The following RAD50 variants were observed in gnomAD, a reference collection of about 807,000 sequenced individuals.
RAD50 encodes the protein DNA repair protein RAD50.
In RAD50, 132 loss-of-function variants were observed where a neutral mutation model predicts 168.8. The ratio of observed to expected loss-of-function variants is 0.78; its 90% CI spans 0.68 to 0.90. The LOEUF (loss-of-function observed/expected upper bound fraction) is 0.90. RAD50 is among the 40% of genes least tolerant of loss of function. The pLI, the probability that RAD50 is intolerant of heterozygous loss-of-function variation, is 0.00. For synonymous variants in RAD50, 525 were observed against 497.4 expected (o/e 1.06, Z -0.74); for missense variants, 1,347 against 1,534.4 (o/e 0.88, Z 2.04).
intron 10 of RAD50, 57 bp downstream of exon 10, chr5:132,591,463 T>G: frequency 6.6e-7 from 1 of 1,512,588 alleles, no homozygotes; most frequent in Non-Finnish European, 9.1e-7. Context: ...TAGCCTACCT[T>G]GCACTCATAA....
chr5:132,619,400 TG>T (rs1751234155), intron 21 of RAD50, among the ~76,000 whole-genome samples: 1 of 149,000 alleles, frequency 6.7e-6, no homozygotes, highest in Admixed American at 6.7e-5. Flanking sequence ...TTATTAGTCT[TG>T]TCTTTTTGTG....
chr5:132,592,563 C>G (rs992450013), intron 11 of RAD50, among the ~76,000 whole-genome samples: 3 of 152,194 alleles, frequency 2.0e-5, no homozygotes, highest in Admixed American at 2.0e-4. Context: ...TCTGCTAATG[C>G]TTTGGCTAGC....
intron 23 of RAD50, among the ~76,000 whole-genome samples, chr5:132,639,931 A>T (rs1751680156): frequency 6.6e-6 from 1 of 152,164 alleles, no homozygotes; most frequent in African/African-American, 2.4e-5. Flanking sequence ...CCCACCCACA[A>T]ACTGAGGGGG....
At chr5:132,619,827 T>TCCTC (rs1751247345) in intron 21 of RAD50, among the ~76,000 whole-genome samples, 3 of 134,726 alleles carry the variant, frequency 2.2e-5, no homozygotes, top group African/African-American at 8.7e-5. Context: ...TCTCTCTCTC[T>TCCTC]CTCTCTCTCT....
At position 132,579,971 on chromosome 5, in the gene RAD50, T is replaced by C. The variant is rs587781980; in HGVS notation, c.661T>C (p.Cys221Arg). Residue 221 changes from cysteine (C) to arginine (R), a missense_variant, in exon 5 of 25, where the codon TGT becomes CGT. This residue lies in a region of RAD50 where 703 missense variants were observed against 767.7 expected (regional missense o/e 0.92). Coordinates refer to ENST00000378823, the MANE Select transcript of RAD50 (RefSeq NM_005732.4). ...KYLKQYKEKA[C>R]EIRDQITSKE... ...TCTGAAGCAATATAAGGAAAAAGCT[T>C]GTGAGATTCGTGATCAGATTACAAG... 2.5e-6 allele frequency: 4 copies of C among 1,612,778 alleles called. No homozygotes were observed. The East Asian group carries it at 6.7e-5, about 27-fold the overall frequency.
intron 16 of RAD50, 77 bp downstream of exon 16, chr5:132,605,076 G>C (rs185831341): frequency 8.6e-7 from 1 of 1,167,162 alleles, no homozygotes; most frequent in Non-Finnish European, 1.2e-6. Context: ...AGACAGTCTC[G>C]TTCTGTCACC....
chr5:132,637,022 T>C (rs182421593), intron 21 of RAD50, 93 bp from the exon 22 acceptor site: 9 of 943,470 alleles, frequency 9.5e-6, no homozygotes, highest in Admixed American at 5.0e-5. Flanking sequence ...ATATTTCTAT[T>C]TTTTATATAT....
rs141065016 is a variant in RAD50, at chr5:132,644,956, G to T, written c.*2592G>T. ...AGGCTAATTTTTGTATTTTAGTAGAGACAGGGTTTCGCCTTGTTGGCCAGG... is the reference window on the plus strand; with the variant it reads ...AGGCTAATTTTTGTATTTTAGTAGATACAGGGTTTCGCCTTGTTGGCCAGG... On this transcript the variant is annotated 3_prime_UTR_variant, in exon 25 of 25. Transcript: ENST00000378823. 294 of 152,382 alleles carry T rather than the reference G, an allele frequency of 1.9e-3. 1 individual carries two copies. The highest frequency in any genetic ancestry group is 6.7e-3 in the Middle Eastern group (2 of 298). The allele number at this position is 152,382 out of a possible 1,614,324, so 9.4% of individuals were successfully genotyped here. A position where few individuals can be genotyped will look rare whatever the true frequency, so the allele number is the denominator to read the frequency against.
chr5:132,605,855 T>G (rs1750976547), intron 16 of RAD50, among the ~76,000 whole-genome samples: 1 of 152,158 alleles, frequency 6.6e-6, no homozygotes, highest in Non-Finnish European at 1.5e-5. Context: ...ACAAGGAAAC[T>G]GAACAACCTG....
At chr5:132,605,996 T>G (rs1403153136) in intron 16 of RAD50, among the ~76,000 whole-genome samples, 2 of 152,088 alleles carry the variant, frequency 1.3e-5, no homozygotes, top group Non-Finnish European at 2.9e-5. Flanking sequence ...AGAGGGAAAT[T>G]TATAGCACTA....
At chr5:132,626,486 T>C (rs1751374339) in intron 21 of RAD50, among the ~76,000 whole-genome samples, 1 of 152,198 alleles carries the variant, frequency 6.6e-6, no homozygotes, top group African/African-American at 2.4e-5. Context: ...TAAAAATCTA[T>C]ACTATTATTC....
chr5:132,559,741 G>A (rs1053228986), intron 2 of RAD50, among the ~76,000 whole-genome samples: 1 of 152,100 alleles, frequency 6.6e-6, no homozygotes, highest in Non-Finnish European at 1.5e-5. Context: ...TAGTAGTTAT[G>A]TAATTTTCTT....
At position 132,595,007 on chromosome 5, in the gene RAD50, G is replaced by A. The variant is rs375978877; in HGVS notation, c.1932G>A (p.Arg644=). The A allele has an allele frequency of 5.8e-5, 94 of 1,613,716 alleles. 1 individual carries two copies. In the Middle Eastern group the frequency reaches 3.9e-3, roughly 68 times the overall value. ...GSQDFESDLD[R]LKEEIEKSSK... is the part of the protein sequence containing the mutation. ...AGGATTTTGAAAGTGATTTAGACAGGCTTAAAGAGGAAATTGAAAAATCAT... is the reference window on the plus strand; with the variant it reads ...AGGATTTTGAAAGTGATTTAGACAGACTTAAAGAGGAAATTGAAAAATCAT... Residue 644 remains arginine (R), a synonymous_variant, in exon 12 of 25, where the codon AGG becomes AGA. Coordinates refer to ENST00000378823, the MANE Select transcript of RAD50 (RefSeq NM_005732.4).
At chr5:132,611,089 G>A (rs1175499427) in intron 19 of RAD50, among the ~76,000 whole-genome samples, 1 of 152,146 alleles carries the variant, frequency 6.6e-6, no homozygotes, top group Non-Finnish European at 1.5e-5. Context: ...GAAGATTCTA[G>A]TAGTCAAATA....
rs104895044 is a variant in RAD50 at position 132,579,445 on chromosome 5, C to A, written c.494C>A (p.Pro165His). 5 of 1,613,760 alleles carry A rather than the reference C, an allele frequency of 3.1e-6. No individual in the cohort carries two copies. The highest frequency in any genetic ancestry group is 4.2e-6 in the Non-Finnish European group (5 of 1,179,912). ...TGTCATCAAGAAGATTCTAATTGGC[C>A]TTTAAGTGAAGGAAAGGCTTTGAAG... is the stretch of plus-strand genomic sequence containing the variant. ...IFCHQEDSNW[P>H]LSEGKALKQK... The change falls in exon 4 of 25, where the codon CCT (proline) becomes CAT (histidine). Residue 165 changes from proline to histidine, a missense_variant. Physicochemically the swap from Pro to His is moderately conservative, Grantham distance 77 (BLOSUM62 -2). Coordinates refer to ENST00000378823, the MANE Select transcript of RAD50 (RefSeq NM_005732.4).
At chr5:132,574,695 C>T (rs114130939) in intron 2 of RAD50, among the ~76,000 whole-genome samples, 4,249 of 152,056 alleles carry the variant, frequency 0.028, 208 homozygotes, top group African/African-American at 0.097. Context: ...TACTGCATCC[C>T]TTTAACAGCA....
chr5:132,561,335 C>A (rs143460673), intron 2 of RAD50, among the ~76,000 whole-genome samples: 4 of 152,082 alleles, frequency 2.6e-5, no homozygotes, highest in Non-Finnish European at 5.9e-5. Context: ...GCTGGGATTA[C>A]GGGTGTGCCA....
Position 132,643,029 on chromosome 5 carries a change from C to T in RAD50, c.*665C>T. On this transcript the variant is annotated 3_prime_UTR_variant, in exon 25 of 25. Coordinates refer to ENST00000378823, the MANE Select transcript of RAD50 (RefSeq NM_005732.4). ...GATGGTCATCCAGACTCAGAGCTCT[C>T]TCTACAGAGAGGAAATTCTCCACTG... 3 of 529,320 alleles carry T rather than the reference C, an allele frequency of 5.7e-6. No individual in the cohort carries two copies. The highest frequency in any genetic ancestry group is 7.6e-6 in the Non-Finnish European group (2 of 262,438). The allele number at this position is 529,320 out of a possible 1,614,324, so 32.8% of individuals were successfully genotyped here. A position where few individuals can be genotyped will look rare whatever the true frequency, so the allele number is the denominator to read the frequency against.
intron 13 of RAD50, among the ~76,000 whole-genome samples, chr5:132,601,253 C>T (rs570446694): frequency 2.0e-5 from 3 of 152,184 alleles, no homozygotes. Flanking sequence ...CAGCCTCAGC[C>T]TCCCAAAGTG....
Sources: gnomAD v4.1 joint callset for allele counts (sites outside exome capture counted in the v4.1 genomes callset) on GRCh38, gnomAD v4.1.1 for gene constraint, gnomAD v4.1.1 regional missense constraint, MANE v1.5 for transcripts, NCBI Gene and HGNC (gene_info 2026-07-23, HGNC 2026-07-21) for gene names.